NUDT3: variants seen among roughly 807,000 people sequenced by gnomAD.
NUDT3 encodes the protein diphosphoinositol polyphosphate phosphohydrolase 1.
Under a neutral mutation model 23.6 loss-of-function variants are expected in NUDT3, and 9 were observed. The observed-to-expected ratio is 0.38, with a 90% CI of 0.23 to 0.66. The LOEUF is 0.66. Ranked by LOEUF, NUDT3 falls within the 30% of genes least tolerant of loss-of-function variation. The probability of loss-of-function intolerance (pLI) is 0.52; values close to 1 mark genes in which losing one functional copy is unlikely to be tolerated. For missense variants in NUDT3, 172 were observed against 218.5 expected (o/e 0.79, Z 1.34); for synonymous variants, 86 against 82.6 (o/e 1.04, Z -0.22).
At chr6:34,358,293 C>CACACACACA (rs1764595558) in intron 1 of NUDT3, among the ~76,000 whole-genome samples, 5 of 130,654 alleles carry the variant, frequency 3.8e-5, no homozygotes, top group African/African-American at 1.7e-4. Flanking sequence ...ACACACACAC[C>CACACACACA]CCTTATAATT....
intron 1 of NUDT3, among the ~76,000 whole-genome samples, chr6:34,366,516 A>AGGGAGGGAGGGAGGGAGGGAGGGAGG (rs1764736917): frequency 2.1e-5 from 1 of 48,086 alleles, no homozygotes; most frequent in African/African-American, 8.8e-5. Context: ...AGGGAGGGAG[A>AGGGAGGGAGGGAGGGAGGGAGGGAGG]GAAGGTAGTG....
chr6:34,320,507 C>T (rs1050092868), intron 2 of NUDT3, among the ~76,000 whole-genome samples: 2 of 152,112 alleles, frequency 1.3e-5, no homozygotes, highest in South Asian at 4.1e-4. Context: ...CAGGCGTGAG[C>T]CACTGCACCC....
intron 1 of NUDT3, among the ~76,000 whole-genome samples, chr6:34,347,757 T>C (rs936999782): frequency 1.3e-5 from 2 of 152,050 alleles, no homozygotes; most frequent in African/African-American, 4.8e-5. Flanking sequence ...AGGAACTGAG[T>C]ATCTAGTGAA....
At chr6:34,368,733 G>C (rs778685302) in intron 1 of NUDT3, among the ~76,000 whole-genome samples, 4 of 152,108 alleles carry the variant, frequency 2.6e-5, no homozygotes, top group Non-Finnish European at 5.9e-5. Flanking sequence ...CCACCTCCTG[G>C]GTTCACACCA....
chr6:34,348,519 T>C (rs1267289963), intron 1 of NUDT3, among the ~76,000 whole-genome samples: 1 of 151,880 alleles, frequency 6.6e-6, no homozygotes, highest in Non-Finnish European at 1.5e-5. Context: ...GGCTCACACC[T>C]GTAATCCCAG....
Position 34,284,083 on chromosome 6 carries a change from C to CA in NUDT3, c.*4669dup, listed in dbSNP as rs1763308640. ...TAGCCTTGAGGAGATAGGCTCTATC[C>CA]AACAGGACTCAGAATAAATGACTGC... On this transcript the variant is annotated 3_prime_UTR_variant, in exon 5 of 5. Coordinates refer to ENST00000607016, the MANE Select transcript of NUDT3 (RefSeq NM_006703.4). 6.6e-6 allele frequency: 1 copy of CA among 152,178 alleles called. No individual in the cohort carries two copies. Among genetic ancestry groups the CA allele is most frequent in the African/African-American group, 2.4e-5 (1 of 41,426 alleles). 9.4% of individuals were successfully genotyped at this position (152,178 alleles called of 1,614,324 possible).
intron 4 of NUDT3, among the ~76,000 whole-genome samples, chr6:34,289,372 G>A (rs1330212876): frequency 2.0e-5 from 3 of 152,112 alleles, no homozygotes; most frequent in African/African-American, 7.3e-5. Flanking sequence ...TTTGAGACTG[G>A]CCTGAGCAAC....
intron 1 of NUDT3, among the ~76,000 whole-genome samples, chr6:34,368,438 G>A (rs1041552048): frequency 1.5e-4 from 23 of 152,304 alleles, no homozygotes; most frequent in African/African-American, 5.3e-4. Context: ...AAGAAGTGCA[G>A]CAGCATACAA....
chr6:34,373,064 G>A (rs1764858866), intron 1 of NUDT3, among the ~76,000 whole-genome samples: 1 of 151,960 alleles, frequency 6.6e-6, no homozygotes, highest in Non-Finnish European at 1.5e-5. Flanking sequence ...CGAATCACAA[G>A]CTCAGGAGAT....
chr6:34,293,778 C>G (rs763628204), intron 3 of NUDT3, among the ~76,000 whole-genome samples: 1 of 152,150 alleles, frequency 6.6e-6, no homozygotes, highest in Non-Finnish European at 1.5e-5. Context: ...TCCCCTTCCC[C>G]TAAATACAAC....
chr6:34,292,241 C>T (rs1017920518), intron 4 of NUDT3, among the ~76,000 whole-genome samples: 2 of 152,170 alleles, frequency 1.3e-5, no homozygotes, highest in Non-Finnish European at 2.9e-5. Context: ...TTACTAGACA[C>T]AAAGCCATCA....
chr6:34,375,994 T>C (rs144600576), intron 1 of NUDT3, among the ~76,000 whole-genome samples: 237 of 152,282 alleles, frequency 1.6e-3, no homozygotes, highest in African/African-American at 5.2e-3. Context: ...CTTTCTCTTG[T>C]GCTAACTTTC....
intron 4 of NUDT3, among the ~76,000 whole-genome samples, chr6:34,293,067 T>TTTG: frequency 6.6e-6 from 1 of 152,106 alleles, no homozygotes; most frequent in Non-Finnish European, 1.5e-5. Flanking sequence ...TGTTCTGTTT[T>TTTG]TTTGTTTGTT....
chr6:34,346,814 G>GGCAGGATCAAAGTTCACT (rs1764378518), intron 1 of NUDT3, among the ~76,000 whole-genome samples: 1 of 152,040 alleles, frequency 6.6e-6, no homozygotes. Context: ...GAAGCGCCGT[G>GGCAGGATCAAAGTTCACT]GCAGGATCAA....
intron 1 of NUDT3, among the ~76,000 whole-genome samples, chr6:34,386,292 A>G (rs1765105802): frequency 6.6e-6 from 1 of 152,266 alleles, no homozygotes; most frequent in Non-Finnish European, 1.5e-5. Flanking sequence ...AATAACAATC[A>G]GTACAACTTT....
intron 2 of NUDT3, among the ~76,000 whole-genome samples, chr6:34,299,563 T>G (rs1763566232): frequency 6.6e-6 from 1 of 151,940 alleles, no homozygotes; most frequent in African/African-American, 2.4e-5. Flanking sequence ...TAGCTGGGGC[T>G]ATAGGCATGT....
chr6:34,363,287 G>A (rs1247551001), intron 1 of NUDT3, among the ~76,000 whole-genome samples: 3 of 152,106 alleles, frequency 2.0e-5, no homozygotes, highest in African/African-American at 4.8e-5. Flanking sequence ...AACTCATGAA[G>A]GATAAAAGAT....
intron 1 of NUDT3, among the ~76,000 whole-genome samples, chr6:34,344,594 G>A (rs938953883): frequency 5.9e-5 from 9 of 152,158 alleles, no homozygotes; most frequent in African/African-American, 1.9e-4. Flanking sequence ...GTTTTATTTG[G>A]GGAAAATGAA....
In NUDT3 at chr6:34,282,344, T is replaced by G. The variant is rs1763289289; in HGVS notation, c.*6409A>C. On this transcript the variant is annotated 3_prime_UTR_variant, in exon 5 of 5. Coordinates refer to ENST00000607016, the MANE Select transcript of NUDT3 (RefSeq NM_006703.4). ...GATCAGGACGACTTCTTAAAGGGAT[T>G]CACAGGCAATATTACTGGCAAAATG... The G allele has an allele frequency of 2.6e-5, 4 of 152,178 alleles. No individual in the cohort carries two copies. Among genetic ancestry groups the G allele is most frequent in the Non-Finnish European group, 5.9e-5 (4 of 68,048 alleles). The allele number at this position is 152,178 out of a possible 1,614,324, so 9.4% of individuals were successfully genotyped here.
Sources: gnomAD v4.1 joint callset for allele counts (sites outside exome capture counted in the v4.1 genomes callset) on GRCh38, gnomAD v4.1.1 for gene constraint, MANE v1.5 for transcripts, NCBI Gene and HGNC (gene_info 2026-07-23, HGNC 2026-07-21) for gene names.